CCDC6: variants seen among roughly 807,000 people sequenced by gnomAD.
CCDC6 encodes the protein coiled-coil domain-containing protein 6.
Under a neutral mutation model 56.6 loss-of-function variants are expected in CCDC6, and 20 were observed. The observed-to-expected ratio is 0.35, with a 90% CI of 0.25 to 0.51. CCDC6 has a LOEUF of 0.51. Among genes scored for constraint, CCDC6 ranks in the 20% least tolerant of loss-of-function variants. The pLI is 0.95. For missense variants in CCDC6, 367 were observed against 601.1 expected (o/e 0.61, Z 4.07); for synonymous variants, 241 against 234.4 (o/e 1.03, Z -0.26).
intron 1 of CCDC6, among the ~76,000 whole-genome samples, chr10:59,898,724 G>A (rs2071482116): frequency 6.6e-6 from 1 of 152,190 alleles, no homozygotes; most frequent in Admixed American, 6.5e-5. Context: ...AGTATTATAA[G>A]CACTTGACAG....
At chr10:59,858,744 C>T (rs1483800498) in intron 1 of CCDC6, among the ~76,000 whole-genome samples, 2 of 152,188 alleles carry the variant, frequency 1.3e-5, no homozygotes, top group Non-Finnish European at 2.9e-5. Context: ...AAGATGGGTT[C>T]ACTGGTCACT....
chr10:59,870,647 G>T (rs1163603911), intron 1 of CCDC6, among the ~76,000 whole-genome samples: 1 of 152,102 alleles, frequency 6.6e-6, no homozygotes, highest in African/African-American at 2.4e-5. Flanking sequence ...GGGGCTATGG[G>T]GCTAATTTCT....
At chr10:59,826,073 G>A (rs10994034) in intron 3 of CCDC6, among the ~76,000 whole-genome samples, 12,759 of 152,138 alleles carry the variant, frequency 0.084, 791 homozygotes, top group African/African-American at 0.16. Flanking sequence ...AGTGGCTGAA[G>A]ATAATCACTG....
rs1015387823 is a variant in CCDC6, at chr10:59,888,051, T to C, written c.303+18071A>G. ...AAATAATTTAGCTGAAACCACTCCA[T>C]AGATGCTGCTCAAGCTGCAGATTTC... On this transcript the variant is annotated intron_variant, in intron 1 of 8. Coordinates refer to ENST00000263102, the MANE Select transcript of CCDC6 (RefSeq NM_005436.5). Among the ~76,000 whole-genome samples the C allele has an allele frequency of 1.1e-4, 16 of 152,342 alleles. 1 individual carries two copies. The highest frequency in any genetic ancestry group is 6.8e-3 in the Middle Eastern group (2 of 294).
At chr10:59,875,350 G>C (rs1031738479) in intron 1 of CCDC6, among the ~76,000 whole-genome samples, 2 of 152,152 alleles carry the variant, frequency 1.3e-5, no homozygotes, top group East Asian at 1.9e-4. Flanking sequence ...TGCTCATCTA[G>C]GGTGGCTGTT....
At chr10:59,888,174 GCC>G (rs1366654996) in intron 1 of CCDC6, among the ~76,000 whole-genome samples, 1 of 152,186 alleles carries the variant, frequency 6.6e-6, no homozygotes, top group Non-Finnish European at 1.5e-5. Context: ...GTGCTCTCCA[GCC>G]CTGAGTGGCT....
chr10:59,803,384 T>C (rs191689552), intron 7 of CCDC6, among the ~76,000 whole-genome samples: 5 of 152,314 alleles, frequency 3.3e-5, no homozygotes, highest in Non-Finnish European at 7.3e-5. Flanking sequence ...CAACGCTGTT[T>C]TACTTTATAA....
intron 1 of CCDC6, among the ~76,000 whole-genome samples, chr10:59,895,898 T>A (rs2071458865): frequency 6.6e-6 from 1 of 152,148 alleles, no homozygotes; most frequent in Non-Finnish European, 1.5e-5. Flanking sequence ...GAAACTGAGA[T>A]CTGCCCTGTG....
In CCDC6 at chr10:59,789,925, G is replaced by T. The variant is rs2070453604; in HGVS notation, c.*2992C>A. On this transcript the variant is annotated 3_prime_UTR_variant, in exon 9 of 9. Transcript: ENST00000263102. ...TTCTGTTAGAAGCCAATTACAAAGG[G>T]ACAGTAGCACTTGGTGTCAAAGCCA... The T allele has an allele frequency of 4.6e-6, 1 of 217,636 alleles. No homozygotes were observed. Among genetic ancestry groups the T allele is most frequent in the African/African-American group, 2.2e-5 (1 of 44,504 alleles). 13.5% of individuals were successfully genotyped at this position (217,636 alleles called of 1,614,324 possible). A position where few individuals can be genotyped will look rare whatever the true frequency, so the allele number is the denominator to read the frequency against.
At chr10:59,853,866 C>A (rs2071058920) in intron 1 of CCDC6, among the ~76,000 whole-genome samples, 1 of 151,974 alleles carries the variant, frequency 6.6e-6, no homozygotes, top group African/African-American at 2.4e-5. Context: ...TCCTCTCTCC[C>A]TGAAAAAAAT....
At chr10:59,903,022 G>C (rs997037962) in intron 1 of CCDC6, among the ~76,000 whole-genome samples, 1 of 152,140 alleles carries the variant, frequency 6.6e-6, no homozygotes, top group Non-Finnish European at 1.5e-5. Flanking sequence ...AGGAGTTGGG[G>C]AACATGGAAG....
Position 59,865,852 on chromosome 10 carries a change from C to CAAAAA in CCDC6, c.304-13155_304-13151dup, listed in dbSNP as rs777021321. Among the ~76,000 whole-genome samples the CAAAAA allele has an allele frequency of 1.6e-3, 92 of 57,012 alleles. 8 individuals are homozygous for CAAAAA. Among genetic ancestry groups the CAAAAA allele is most frequent in the African/African-American group, 3.5e-3 (48 of 13,650 alleles). 37.4% of individuals were successfully genotyped at this position (57,012 alleles called of 152,430 possible). A position where few individuals can be genotyped will look rare whatever the true frequency, so the allele number is the denominator to read the frequency against. Reference sequence around the variant, plus strand: ...GTGACAGAGAGAGACTCCATCTCCACAAAAAAAAAAAAAAAAAAAAAAGAA... The same window carrying CAAAAA: ...GTGACAGAGAGAGACTCCATCTCCACAAAAAAAAAAAAAAAAAAAAAAAAAAAGAA... On this transcript the variant is annotated intron_variant, in intron 1 of 8. Coordinates refer to ENST00000263102, the MANE Select transcript of CCDC6 (RefSeq NM_005436.5).
intron 1 of CCDC6, among the ~76,000 whole-genome samples, chr10:59,882,121 G>A (rs113474554): frequency 2.1e-4 from 19 of 90,586 alleles, no homozygotes; most frequent in Non-Finnish European, 2.8e-4. Flanking sequence ...AAAGCCGGGG[G>A]GAGAAGGAAA....
intron 4 of CCDC6, among the ~76,000 whole-genome samples, chr10:59,813,154 T>C (rs2070686573): frequency 6.6e-6 from 1 of 152,214 alleles, no homozygotes; most frequent in Non-Finnish European, 1.5e-5. Context: ...GTTTAGTGCA[T>C]GAAGATGCTG....
Position 59,791,270 on chromosome 10 carries a change from G to A in CCDC6, c.*1647C>T. Reference sequence around the variant, plus strand: ...CAATTGAGTGATGTTCTCAGTTTGGGGGTGGAAGCAGGAAGAGGTGAAAAA... The same window carrying A: ...CAATTGAGTGATGTTCTCAGTTTGGAGGTGGAAGCAGGAAGAGGTGAAAAA... On this transcript the variant is annotated 3_prime_UTR_variant, in exon 9 of 9. Transcript: ENST00000263102. 9.9e-6 allele frequency: 2 copies of A among 201,202 alleles called. No homozygotes were observed. The highest frequency in any genetic ancestry group is 2.0e-5 in the Non-Finnish European group (2 of 97,798). The allele number at this position is 201,202 out of a possible 1,614,324, so 12.5% of individuals were successfully genotyped here.
chr10:59,848,960 C>T (rs536430760), intron 2 of CCDC6, among the ~76,000 whole-genome samples: 1 of 152,228 alleles, frequency 6.6e-6, no homozygotes, highest in African/African-American at 2.4e-5. Flanking sequence ...AAGTGATCCA[C>T]CTGCCTCGGC....
intron 1 of CCDC6, among the ~76,000 whole-genome samples, chr10:59,884,327 C>T (rs1291084399): frequency 6.6e-6 from 1 of 152,092 alleles, no homozygotes; most frequent in African/African-American, 2.4e-5. Flanking sequence ...GAGACAGCGA[C>T]GACAATAAGC....
intron 1 of CCDC6, among the ~76,000 whole-genome samples, chr10:59,898,765 T>C (rs2071482467): frequency 1.3e-5 from 2 of 152,242 alleles, no homozygotes; most frequent in South Asian, 2.1e-4. Context: ...GCTATATTTA[T>C]TTTATTTATT....
intron 1 of CCDC6, among the ~76,000 whole-genome samples, chr10:59,886,592 C>T (rs1320273475): frequency 1.3e-5 from 2 of 152,108 alleles, no homozygotes; most frequent in African/African-American, 2.4e-5. Context: ...AAAGGTTTTA[C>T]CATAAAATGT....
Sources: allele counts gnomAD v4.1 joint callset (sites outside exome capture counted in the v4.1 genomes callset), GRCh38; gene constraint gnomAD v4.1.1; transcripts MANE v1.5; gene names NCBI Gene and HGNC (gene_info 2026-07-23, HGNC 2026-07-21).